Variants in SEMA6A observed in about 807,000 individuals in gnomAD.
The protein encoded by SEMA6A is semaphorin 6A, also known as semaphorin-6A.
In SEMA6A, 25 loss-of-function variants were observed where a neutral mutation model predicts 96.8. The observed-to-expected ratio is 0.26, with a 90% CI of 0.19 to 0.36. The LOEUF is 0.36. SEMA6A is among the 10% of genes least tolerant of loss of function. The pLI is 1.00. For missense variants in SEMA6A, 1,363 were observed against 1,323.1 expected (o/e 1.03, Z -0.47); for synonymous variants, 612 against 518.0 (o/e 1.18, Z -2.46).
chr5:116,493,823 G>A (rs1474306529), intron 6 of SEMA6A, among the ~76,000 whole-genome samples: 1 of 152,048 alleles, frequency 6.6e-6, no homozygotes, highest in African/African-American at 2.4e-5. Context: ...CTCCACATCT[G>A]TCTCTAAACC....
intron 1 of SEMA6A, among the ~76,000 whole-genome samples, chr5:116,527,721 T>G (rs543891004): frequency 3.7e-4 from 56 of 152,320 alleles, no homozygotes; most frequent in African/African-American, 1.3e-3. Context: ...ATGAGTCTAA[T>G]GATTAGTCTT....
chr5:116,571,253 T>C (rs1761200971), intron 1 of SEMA6A, among the ~76,000 whole-genome samples: 1 of 152,228 alleles, frequency 6.6e-6, no homozygotes, highest in South Asian at 2.1e-4. Context: ...CTATTTAAGC[T>C]TAGTTGTTAT....
intron 6 of SEMA6A, among the ~76,000 whole-genome samples, chr5:116,493,964 C>T (rs1757456153): frequency 6.6e-6 from 1 of 152,144 alleles, no homozygotes; most frequent in African/African-American, 2.4e-5. Context: ...AACCCCCAAC[C>T]CCAATCTCAC....
chr5:116,478,608 A>G lies in SEMA6A; in HGVS notation c.1361T>C (p.Ile454Thr), dbSNP rs1756589599. 8.1e-6 allele frequency: 13 copies of G among 1,613,378 alleles called. No homozygotes were observed. The highest frequency in any genetic ancestry group is 6.7e-5 in the East Asian group (3 of 44,832). The change falls in exon 13 of 19, where the codon ATA becomes ACA. Residue 454 changes from isoleucine (I) to threonine (T), a missense_variant. Physicochemically the swap from Ile to Thr is moderately conservative, Grantham distance 89. Transcript: ENST00000343348. ...KGIILKFLARIGNSGFLNDSL... is the reference protein window; with the variant it reads ...KGIILKFLARTGNSGFLNDSL... ...GTCATTTAGAAAACCACTATTTCCT[A>G]TTCTGGCCAAAAACTTCAAGATGAT...
chr5:116,472,861 A>C, intron 17 of SEMA6A: 2 of 1,482,124 alleles, frequency 1.3e-6, no homozygotes, highest in Non-Finnish European at 1.8e-6. Flanking sequence ...AATTTAAAAA[A>C]AAAAAAAAAA....
At chr5:116,517,611 G>A (rs954215857) in intron 1 of SEMA6A, among the ~76,000 whole-genome samples, 1 of 152,046 alleles carries the variant, frequency 6.6e-6, no homozygotes, top group African/African-American at 2.4e-5. Flanking sequence ...CAGTTTTCCA[G>A]GCCCCTCTCC....
chr5:116,474,797 C>A (rs1756367584), intron 16 of SEMA6A, among the ~76,000 whole-genome samples: 1 of 152,092 alleles, frequency 6.6e-6, no homozygotes. Flanking sequence ...ATATAACATT[C>A]GAAACAGCAC....
intron 1 of SEMA6A, among the ~76,000 whole-genome samples, chr5:116,552,724 C>A (rs1167892216): frequency 6.6e-6 from 1 of 152,182 alleles, no homozygotes; most frequent in Non-Finnish European, 1.5e-5. Context: ...AGCCTATTTA[C>A]ACTTACAGGA....
At chr5:116,559,560 T>G (rs1257391536) in intron 1 of SEMA6A, among the ~76,000 whole-genome samples, 1 of 152,158 alleles carries the variant, frequency 6.6e-6, no homozygotes, top group South Asian at 2.1e-4. Flanking sequence ...CCGCCTTGTG[T>G]TGTTTGTTGG....
chr5:116,488,470 T>G (rs1280543940), intron 8 of SEMA6A, among the ~76,000 whole-genome samples: 1 of 152,196 alleles, frequency 6.6e-6, no homozygotes, highest in East Asian at 1.9e-4. Flanking sequence ...CACAATGGAA[T>G]GCCCCTATTA....
intron 1 of SEMA6A, among the ~76,000 whole-genome samples, chr5:116,549,026 T>G (rs1424851868): frequency 6.6e-6 from 1 of 152,154 alleles, no homozygotes; most frequent in African/African-American, 2.4e-5. Context: ...CTTTTCAGGC[T>G]CTCTGATGAA....
intron 1 of SEMA6A, among the ~76,000 whole-genome samples, chr5:116,545,892 A>G (rs1760166308): frequency 6.6e-6 from 1 of 152,156 alleles, no homozygotes; most frequent in Admixed American, 6.5e-5. Context: ...TCATGGCCCT[A>G]TCTAGTTCTG....
intron 1 of SEMA6A, among the ~76,000 whole-genome samples, chr5:116,570,355 C>T (rs1761163910): frequency 6.6e-6 from 1 of 151,082 alleles, no homozygotes; most frequent in Admixed American, 6.6e-5. Context: ...GGGGGGGGTT[C>T]CTGATATGGG....
intron 6 of SEMA6A, among the ~76,000 whole-genome samples, chr5:116,493,398 A>C (rs1757428028): frequency 6.6e-6 from 1 of 152,226 alleles, no homozygotes; most frequent in Non-Finnish European, 1.5e-5. Flanking sequence ...ATGCTGGGCT[A>C]GACTGGCTAC....
At chr5:116,515,580 C>G (rs1018244359) in intron 1 of SEMA6A, among the ~76,000 whole-genome samples, 1 of 152,140 alleles carries the variant, frequency 6.6e-6, no homozygotes, top group South Asian at 2.1e-4. Context: ...ATTTTAGCAC[C>G]TAGAGTTTTC....
intron 18 of SEMA6A, among the ~76,000 whole-genome samples, chr5:116,454,789 AGTGTGTGTGT>A (rs10699953): frequency 6.6e-6 from 1 of 150,386 alleles, no homozygotes; most frequent in Non-Finnish European, 1.5e-5. Context: ...TTTTCCTTTA[AGTGTGTGTGT>A]GTGTGTGTGT....
chr5:116,538,818 A>G (rs17140058), intron 1 of SEMA6A, among the ~76,000 whole-genome samples: 5,946 of 152,160 alleles, frequency 0.039, 415 homozygotes, highest in African/African-American at 0.14. Context: ...CATCATCTTG[A>G]ACCTTTCACC....
rs773082091 is a variant in SEMA6A, at chr5:116,447,360, G to C, written c.2346C>G (p.Asn782Lys). The C allele has an allele frequency of 6.2e-7, 1 of 1,613,992 alleles. No individual in the cohort carries two copies. Among genetic ancestry groups the C allele is most frequent in the African/African-American group, 1.3e-5 (1 of 75,074 alleles). The change falls in exon 19 of 19, where the codon AAC (asparagine) becomes AAG (lysine). Residue 782 changes from asparagine (N) to lysine (K), a missense_variant. Physicochemically the swap from Asn to Lys is moderately conservative, Grantham distance 94. This residue lies in a region of SEMA6A where 883 missense variants were observed against 763.6 expected (regional missense o/e 1.16). Transcript: ENST00000343348. ...TGTCCTTTGTGCAGGCATTGATGAG[G>C]TTCTGGTTCCTCTCCCACTCGCGGC... ...RGSREWERNQ[N>K]LINACTKDMP...
intron 1 of SEMA6A, among the ~76,000 whole-genome samples, chr5:116,543,973 C>A (rs1399807808): frequency 1.3e-5 from 2 of 152,120 alleles, no homozygotes; most frequent in African/African-American, 2.4e-5. Context: ...GCTTATATGA[C>A]AGTAAATGTT....
Sources: allele counts gnomAD v4.1 joint callset (sites outside exome capture counted in the v4.1 genomes callset), GRCh38; gene constraint gnomAD v4.1.1; regional missense constraint gnomAD v4.1.1; transcripts MANE v1.5; gene names NCBI Gene and HGNC (gene_info 2026-07-23, HGNC 2026-07-21).